COL21A1: variants seen among roughly 807,000 people sequenced by gnomAD.
COL21A1 encodes the protein collagen alpha-1(XXI) chain.
Under a neutral mutation model 137.9 loss-of-function variants are expected in COL21A1, and 149 were observed. That is an observed-to-expected ratio of 1.08 (90% confidence interval 0.95 to 1.24). The LOEUF is 1.24. Ranked by LOEUF, COL21A1 falls within the 50% of genes most tolerant of loss-of-function variation. The pLI is 0.00. For missense variants in COL21A1, 1,167 were observed against 1,158.4 expected, an observed-to-expected ratio of 1.01 and a Z score of -0.11; for synonymous variants, 456 against 391.5, an observed-to-expected ratio of 1.16 and a Z score of -1.95.
intron 1 of COL21A1, among the ~76,000 whole-genome samples, chr6:56,268,615 T>C (rs906901708): frequency 1.3e-5 from 2 of 152,136 alleles, no homozygotes; most frequent in African/African-American, 4.8e-5. Context: ...CCTCTGAAAG[T>C]ACTGAGAAAT....
intron 1 of COL21A1, among the ~76,000 whole-genome samples, chr6:56,388,028 G>A (rs1220017982): frequency 6.6e-6 from 1 of 152,184 alleles, no homozygotes; most frequent in African/African-American, 2.4e-5. Context: ...GAAAGGAGAG[G>A]GAAGAGTACA....
chr6:56,142,427 A>G (rs552479346), intron 10 of COL21A1, among the ~76,000 whole-genome samples: 20 of 152,152 alleles, frequency 1.3e-4, no homozygotes, highest in African/African-American at 2.4e-5. Context: ...TTATTCTTCA[A>G]TCTTTAAATT....
intron 1 of COL21A1, among the ~76,000 whole-genome samples, chr6:56,195,271 G>C (rs1453375995): frequency 1.3e-5 from 2 of 152,160 alleles, no homozygotes; most frequent in African/African-American, 4.8e-5. Context: ...TGCTGATTCT[G>C]CTGGTCCATA....
intron 1 of COL21A1, among the ~76,000 whole-genome samples, chr6:56,347,367 T>C (rs1765618246): frequency 6.6e-6 from 1 of 152,074 alleles, no homozygotes; most frequent in Non-Finnish European, 1.5e-5. Context: ...AATCAAGTCA[T>C]TCCTGTCTGA....
intron 1 of COL21A1, among the ~76,000 whole-genome samples, chr6:56,302,875 A>C (rs1209588438): frequency 1.3e-5 from 2 of 152,166 alleles, no homozygotes; most frequent in Non-Finnish European, 2.9e-5. Context: ...CTAACATTTA[A>C]GTCTTTAATC....
chr6:56,312,851 G>C (rs1449595401), intron 1 of COL21A1, among the ~76,000 whole-genome samples: 4 of 152,100 alleles, frequency 2.6e-5, no homozygotes, highest in Non-Finnish European at 5.9e-5. Context: ...TGGTGCCCTT[G>C]AGGGGAAAAG....
intron 10 of COL21A1, among the ~76,000 whole-genome samples, chr6:56,149,698 T>C (rs1445039287): frequency 6.6e-6 from 1 of 151,206 alleles, no homozygotes; most frequent in African/African-American, 2.4e-5. Flanking sequence ...CTCAAACCCA[T>C]ATCCAATAGA....
intron 16 of COL21A1, among the ~76,000 whole-genome samples, chr6:56,104,989 C>T (rs911732352): frequency 1.3e-5 from 2 of 152,164 alleles, no homozygotes; most frequent in Non-Finnish European, 2.9e-5. Context: ...TAAGGAAACA[C>T]TTTATTTTGA....
chr6:56,312,832 C>T (rs144110340), intron 1 of COL21A1, among the ~76,000 whole-genome samples: 5 of 151,986 alleles, frequency 3.3e-5, no homozygotes, highest in Non-Finnish European at 7.4e-5. Flanking sequence ...GAGGTACATA[C>T]AGAGGAAATG....
In COL21A1 at chr6:56,195,199, G is replaced by T. The variant is rs1368978951; in HGVS notation, c.-38-12543C>A. On this transcript the variant is annotated intron_variant, in intron 1 of 29. Transcript: ENST00000244728. ...TTTTCTTTATAAATTATGCAGTTTT[G>T]AGTATTCTCTTACAAGCAACAGAAA... 2.6e-5 allele frequency among the ~76,000 whole-genome samples: 4 copies of T among 152,114 alleles called. No homozygotes were observed. In the South Asian group the frequency reaches 6.2e-4, roughly 24 times the overall value.
intron 17 of COL21A1, among the ~76,000 whole-genome samples, chr6:56,087,197 G>C (rs1444489910): frequency 6.6e-6 from 1 of 152,144 alleles, no homozygotes; most frequent in Non-Finnish European, 1.5e-5. Flanking sequence ...TTCTCCAGTA[G>C]AATTTTATGT....
intron 1 of COL21A1, among the ~76,000 whole-genome samples, chr6:56,331,360 A>G (rs1291067354): frequency 6.6e-6 from 1 of 151,924 alleles, no homozygotes; most frequent in Non-Finnish European, 1.5e-5. Context: ...TCTTAGGCCA[A>G]TGTCCAGAAG....
chr6:56,124,730 C>T (rs1311409409), intron 14 of COL21A1, among the ~76,000 whole-genome samples: 2 of 152,086 alleles, frequency 1.3e-5, no homozygotes. Context: ...CAAGCTCCGC[C>T]TCCCGGGTTC....
At chr6:56,184,455 G>C (rs79760219) in intron 1 of COL21A1, among the ~76,000 whole-genome samples, 3,289 of 151,950 alleles carry the variant, frequency 0.022, 121 homozygotes, top group African/African-American at 0.075. Flanking sequence ...AAAATAAGCA[G>C]AGACACATTA....
chr6:56,234,452 A>G (rs1781778613), intron 1 of COL21A1, among the ~76,000 whole-genome samples: 3 of 151,842 alleles, frequency 2.0e-5, no homozygotes, highest in Non-Finnish European at 2.9e-5. Context: ...TTTTCTTTCA[A>G]TATTTTGTCA....
intron 1 of COL21A1, among the ~76,000 whole-genome samples, chr6:56,183,393 C>G (rs556377029): frequency 6.6e-6 from 1 of 152,278 alleles, no homozygotes; most frequent in South Asian, 2.1e-4. Context: ...TAATCTCTGG[C>G]AGAAAGGGAA....
chr6:56,144,408 G>A (rs1041912231), intron 10 of COL21A1, among the ~76,000 whole-genome samples: 1 of 152,050 alleles, frequency 6.6e-6, no homozygotes, highest in African/African-American at 2.4e-5. Context: ...AGAATTCTGA[G>A]TGCCCAGAGG....
intron 1 of COL21A1, among the ~76,000 whole-genome samples, chr6:56,236,105 T>A (rs1164713567): frequency 6.6e-6 from 1 of 151,974 alleles, no homozygotes; most frequent in East Asian, 1.9e-4. Flanking sequence ...GCCATAGATA[T>A]CAAAACTGAA....
Position 56,097,869 on chromosome 6 carries a change from ATC to A in COL21A1, c.1812+3601_1812+3602del, listed in dbSNP as rs1204169827. On this transcript the variant is annotated intron_variant, in intron 17 of 29. Transcript: ENST00000244728. ...TAAATATATATAAATATATAAAAATATCTATAAATATATAAATATATATAAAT... is the reference window on the plus strand; with the variant it reads ...TAAATATATATAAATATATAAAAATATATAAATATATAAATATATATAAAT... 7.7e-4 allele frequency among the ~76,000 whole-genome samples: 60 copies of A among 77,550 alleles called. 4 individuals carry two copies. The highest frequency in any genetic ancestry group is 3.2e-3 in the African/African-American group (45 of 13,996). 50.9% of individuals were successfully genotyped at this position (77,550 alleles called of 152,430 possible).
Sources: allele counts gnomAD v4.1 joint callset (sites outside exome capture counted in the v4.1 genomes callset), GRCh38; gene constraint gnomAD v4.1.1; transcripts MANE v1.5; gene names NCBI Gene and HGNC (gene_info 2026-07-23, HGNC 2026-07-21).